Variants in LRMDA observed in about 807,000 individuals in gnomAD.
LRMDA encodes leucine-rich melanocyte differentiation-associated protein.
Under a neutral mutation model 29.8 loss-of-function variants are expected in LRMDA, and 18 were observed. The ratio of observed to expected loss-of-function variants is 0.60; its 90% CI spans 0.42 to 0.90. LRMDA has a LOEUF of 0.90. Ranked by LOEUF, LRMDA falls within the 40% of genes least tolerant of loss-of-function variation. The pLI is 0.00. For synonymous variants in LRMDA, 125 were observed against 109.4 expected (o/e 1.14, Z -0.89); for missense variants, 273 against 273.9 (o/e 1.00, Z 0.02).
chr10:76,088,445 T>C (rs942289437), intron 5 of LRMDA, among the ~76,000 whole-genome samples: 2 of 152,148 alleles, frequency 1.3e-5, no homozygotes, highest in African/African-American at 4.8e-5. Context: ...GGAGAAAATA[T>C]ATATTGAGAC....
chr10:75,536,938 C>T (rs965668573), intron 2 of LRMDA, among the ~76,000 whole-genome samples: 5 of 152,080 alleles, frequency 3.3e-5, no homozygotes, highest in African/African-American at 9.7e-5. Flanking sequence ...ACAGTGTCCT[C>T]ATTGTATCCC....
intron 6 of LRMDA, among the ~76,000 whole-genome samples, chr10:76,378,391 G>A (rs1175652311): frequency 2.0e-5 from 3 of 152,120 alleles, no homozygotes; most frequent in African/African-American, 7.2e-5. Context: ...TCTTTTGCCT[G>A]ATTACTCTAG....
intron 1 of LRMDA, among the ~76,000 whole-genome samples, chr10:75,437,227 A>G (rs965751876): frequency 2.6e-5 from 4 of 152,184 alleles, no homozygotes; most frequent in African/African-American, 9.7e-5. Flanking sequence ...TGGTTCTAAA[A>G]TGGTTGGATA....
chr10:76,214,436 C>T (rs963366451), intron 5 of LRMDA, among the ~76,000 whole-genome samples: 1 of 150,202 alleles, frequency 6.7e-6, no homozygotes, highest in Non-Finnish European at 1.5e-5. Flanking sequence ...GCTCCGCTTC[C>T]CAGGTTCACG....
intron 6 of LRMDA, among the ~76,000 whole-genome samples, chr10:76,516,331 G>GT (rs969659688): frequency 8.4e-5 from 12 of 143,466 alleles, no homozygotes; most frequent in African/African-American, 2.5e-4. Context: ...AAAGCAATAA[G>GT]TTTTTTTTAA....
At chr10:76,329,566 A>G (rs1360463512) in intron 6 of LRMDA, among the ~76,000 whole-genome samples, 1 of 152,194 alleles carries the variant, frequency 6.6e-6, no homozygotes, top group Non-Finnish European at 1.5e-5. Context: ...TTCTACTTTG[A>G]CTATTGTTGG....
At chr10:76,387,547 G>T (rs139086661) in intron 6 of LRMDA, among the ~76,000 whole-genome samples, 19 of 151,734 alleles carry the variant, frequency 1.3e-4, no homozygotes, top group African/African-American at 4.1e-4. Flanking sequence ...AAGCTGCAGC[G>T]AGGTATGATC....
intron 2 of LRMDA, among the ~76,000 whole-genome samples, chr10:75,921,393 G>C (rs990631043): frequency 7.2e-5 from 11 of 152,320 alleles, no homozygotes; most frequent in African/African-American, 2.4e-4. Flanking sequence ...GCCTAGTTCT[G>C]TATGTAATCA....
intron 2 of LRMDA, among the ~76,000 whole-genome samples, chr10:75,761,375 T>C (rs182298751): frequency 7.9e-5 from 12 of 152,370 alleles, no homozygotes; most frequent in African/African-American, 2.6e-4. Flanking sequence ...AATTCTGATA[T>C]GTGTTACACC....
intron 6 of LRMDA, among the ~76,000 whole-genome samples, chr10:76,465,487 C>T (rs1842555183): frequency 6.6e-6 from 1 of 151,940 alleles, no homozygotes; most frequent in Admixed American, 6.6e-5. Flanking sequence ...CCACAGTGAC[C>T]CATAGCAATA....
chr10:75,671,311 A>G (rs1372281374), intron 2 of LRMDA, among the ~76,000 whole-genome samples: 1 of 152,206 alleles, frequency 6.6e-6, no homozygotes, highest in Non-Finnish European at 1.5e-5. Context: ...GCTGCCTGGT[A>G]TAAGGATAGG....
intron 2 of LRMDA, among the ~76,000 whole-genome samples, chr10:75,482,784 C>T (rs985616670): frequency 6.6e-6 from 1 of 152,046 alleles, no homozygotes; most frequent in African/African-American, 2.4e-5. Context: ...AATATGATAG[C>T]TTTTTAGAAA....
chr10:76,016,733 G>T (rs1847886098), intron 2 of LRMDA, among the ~76,000 whole-genome samples: 1 of 152,204 alleles, frequency 6.6e-6, no homozygotes, highest in South Asian at 2.1e-4. Context: ...TAGTCTGAAT[G>T]ATGGTCATCT....
intron 2 of LRMDA, among the ~76,000 whole-genome samples, chr10:76,004,862 G>A (rs2132472554): frequency 6.6e-6 from 1 of 151,856 alleles, no homozygotes; most frequent in African/African-American, 2.4e-5. Context: ...CGAGTAGCTG[G>A]GACTACAGGC....
At chr10:75,837,712 T>C (rs1314462542) in intron 2 of LRMDA, among the ~76,000 whole-genome samples, 1 of 152,134 alleles carries the variant, frequency 6.6e-6, no homozygotes, top group Non-Finnish European at 1.5e-5. Flanking sequence ...TATCAAAATA[T>C]CTTGTGTACC....
intron 6 of LRMDA, among the ~76,000 whole-genome samples, chr10:76,364,190 G>GA (rs1459970716): frequency 6.6e-6 from 1 of 152,120 alleles, no homozygotes; most frequent in Admixed American, 6.6e-5. Context: ...AAGGGCCTAG[G>GA]AGAGTGCAAA....
At chr10:76,493,587 C>T (rs1215383822) in intron 6 of LRMDA, among the ~76,000 whole-genome samples, 1 of 152,072 alleles carries the variant, frequency 6.6e-6, no homozygotes, top group African/African-American at 2.4e-5. Context: ...TGTTTTCTTT[C>T]ATTAACCTAT....
intron 2 of LRMDA, among the ~76,000 whole-genome samples, chr10:75,613,294 T>A (rs908530727): frequency 6.6e-6 from 1 of 152,150 alleles, no homozygotes; most frequent in African/African-American, 2.4e-5. Flanking sequence ...AAATAACACA[T>A]ACATCAGACT....
At chr10:75,602,512 C>T (rs554218558) in intron 2 of LRMDA, among the ~76,000 whole-genome samples, 2 of 152,274 alleles carry the variant, frequency 1.3e-5, no homozygotes, top group East Asian at 1.9e-4. Context: ...AGGTCTAATA[C>T]GGAGTCTCCT....
Sources: allele counts gnomAD v4.1 joint callset (sites outside exome capture counted in the v4.1 genomes callset), GRCh38; gene constraint gnomAD v4.1.1; transcripts MANE v1.5; gene names NCBI Gene and HGNC (gene_info 2026-07-23, HGNC 2026-07-21).